The following ESAM variants were observed in gnomAD, a reference collection of about 807,000 sequenced individuals.
ESAM encodes endothelial cell-selective adhesion molecule.
ESAM carries 23 observed loss-of-function variants against 31.8 expected under a neutral mutation model. That is an observed-to-expected ratio of 0.72 (90% CI 0.52 to 1.03). The LOEUF is 1.03. Among genes scored for constraint, ESAM ranks in the 50% least tolerant of loss-of-function variants. The pLI is 0.00. For missense variants in ESAM, 478 were observed against 488.9 expected (o/e 0.98, Z 0.21); for synonymous variants, 216 against 207.2 (o/e 1.04, Z -0.37).
chr11:124,756,066 G>A, intron 4 of ESAM, 141 bp downstream of exon 4: 4 of 1,174,774 alleles, frequency 3.4e-6, no homozygotes, highest in Non-Finnish European at 4.8e-6. Context: ...ATCTTTCTCT[G>A]CCCCACATCC....
In ESAM at chr11:124,754,167, G is replaced by A. The variant is rs748801350; in HGVS notation, c.857+47C>T. The A allele has an allele frequency of 2.8e-5, 45 of 1,597,544 alleles. No individual in the cohort carries two copies. Among genetic ancestry groups the A allele is most frequent in the Admixed American group, 5.1e-5 (3 of 58,402 alleles). Reference sequence around the variant, plus strand: ...CTGCCTGAATTCCCAGCCTCTGTGAGGAGAGCTGGGAGAGCCCCCGCTGCA... The same window carrying A: ...CTGCCTGAATTCCCAGCCTCTGTGAAGAGAGCTGGGAGAGCCCCCGCTGCA... On this transcript the variant is annotated intron_variant, in intron 6 of 6. Transcript: ENST00000278927. This position sits in a 1 kb window ranked among gnomAD's most constrained non-coding sequence, Gnocchi z 4.5.
At chr11:124,756,974 T>C in intron 2 of ESAM, 5 of 545,954 alleles carry the variant, frequency 9.2e-6, no homozygotes, top group South Asian at 8.4e-5. Context: ...CATCTCCCAA[T>C]TGCGGTGTTT....
chr11:124,761,102 T>C (rs1393369571), intron 1 of ESAM, among the ~76,000 whole-genome samples: 1 of 152,186 alleles, frequency 6.6e-6, no homozygotes, highest in East Asian at 1.9e-4. Flanking sequence ...AGAATTTCAC[T>C]CTACAGCTTC....
At chr11:124,760,211 GCT>G (rs1040624519) in intron 1 of ESAM, among the ~76,000 whole-genome samples, 2 of 152,242 alleles carry the variant, frequency 1.3e-5, no homozygotes, top group Non-Finnish European at 2.9e-5. Flanking sequence ...AGGCTTTTCT[GCT>G]CTCCCTCCTG....
Position 124,759,591 on chromosome 11 carries a change from C to A in ESAM, c.71-1064G>T, listed in dbSNP as rs539660601. ...GCGGGAAGAGGCCGCAGCCAGGCCC[C>A]GCTCTCCACCCTCGCCCTAGGAGAG... On this transcript the variant is annotated intron_variant, in intron 1 of 6. Transcript: ENST00000278927. This position sits in a 1 kb window ranked among gnomAD's most constrained non-coding sequence, Gnocchi z 6.8. Among the ~76,000 whole-genome samples, 18 of 152,248 alleles carry A rather than the reference C, an allele frequency of 1.2e-4. No individual in the cohort carries two copies. Among genetic ancestry groups the A allele is most frequent in the Admixed American group, 1.1e-3 (17 of 15,286 alleles).
Position 124,758,295 on chromosome 11 carries a change from T to G in ESAM, c.249+54A>C. 3.7e-6 allele frequency: 6 copies of G among 1,609,818 alleles called. No homozygotes were observed. The South Asian group carries it at 6.6e-5, about 18-fold the overall frequency. On this transcript the variant is annotated intron_variant, in intron 2 of 6. Transcript: ENST00000278927. ...CTCCCACCGCTACCAGCTCTTTGCT[T>G]ACAACCCCCTCTGGGCGCAACTTGC... is the stretch of plus-strand genomic sequence containing the variant.
rs1367308376 is a variant in ESAM, at chr11:124,754,465, G to A, written c.731-125C>T. The stretch of plus-strand genomic sequence containing the variant: ...CTCTTTTTCCCTGTCAAGAAGAGGG[G>A]TGGCTGTTGAGCAGGAAATGACCAG... On this transcript the variant is annotated intron_variant, in intron 5 of 6. Transcript: ENST00000278927. The surrounding 1 kb of genome is among the most constrained non-coding windows in gnomAD (Gnocchi z 4.5). 4 of 1,501,806 alleles carry A rather than the reference G, an allele frequency of 2.7e-6. No individual in the cohort carries two copies. The highest frequency in any genetic ancestry group is 3.6e-6 in the Non-Finnish European group (4 of 1,118,156). 93.0% of individuals were successfully genotyped at this position (1,501,806 alleles called of 1,614,324 possible).
intron 1 of ESAM, among the ~76,000 whole-genome samples, chr11:124,761,457 G>A (rs1228729918): frequency 1.3e-5 from 2 of 151,174 alleles, no homozygotes; most frequent in African/African-American, 2.5e-5. Flanking sequence ...GTGGGCCTTG[G>A]GGGGGTGGGG....
In ESAM at chr11:124,753,495, T is replaced by G; in HGVS notation, c.*151A>C. The G allele has an allele frequency of 1.2e-6, 1 of 814,552 alleles. No individual in the cohort carries two copies. Among genetic ancestry groups the G allele is most frequent in the Non-Finnish European group, 1.9e-6 (1 of 529,630 alleles). 50.5% of individuals were successfully genotyped at this position (814,552 alleles called of 1,614,324 possible). A position where few individuals can be genotyped will look rare whatever the true frequency, so the allele number is the denominator to read the frequency against. On this transcript the variant is annotated 3_prime_UTR_variant, in exon 7 of 7. Coordinates refer to ENST00000278927, the MANE Select transcript of ESAM (RefSeq NM_138961.3). ...TGTCTCCTGGACACTTAGGTCTTAC[T>G]GAGATGGTTTTCCCACAGTAAAGAG...
intron 4 of ESAM, among the ~76,000 whole-genome samples, chr11:124,755,840 T>G (rs1210281089): frequency 6.6e-6 from 1 of 150,906 alleles, no homozygotes; most frequent in Non-Finnish European, 1.5e-5. Context: ...TCCCTAAAAT[T>G]TTTTTTTATA....
Position 124,754,437 on chromosome 11 carries a change from T to C in ESAM, c.731-97A>G. 6.6e-7 allele frequency: 1 copy of C among 1,516,438 alleles called. No homozygotes were observed. Among genetic ancestry groups the C allele is most frequent in the Non-Finnish European group, 8.9e-7 (1 of 1,129,250 alleles). 93.9% of individuals were successfully genotyped at this position (1,516,438 alleles called of 1,614,324 possible). A position where few individuals can be genotyped will look rare whatever the true frequency, so the allele number is the denominator to read the frequency against. ...CCACCCCATCTGCCACCATACACAT[T>C]CCCTCTTTTTCCCTGTCAAGAAGAG... On this transcript the variant is annotated intron_variant, in intron 5 of 6. Transcript: ENST00000278927. This position sits in a 1 kb window ranked among gnomAD's most constrained non-coding sequence, Gnocchi z 4.5.
In ESAM at chr11:124,754,349, G is replaced by T. The variant is rs77048222; in HGVS notation, c.731-9C>A. 3.7e-3 allele frequency: 6,021 copies of T among 1,613,680 alleles called. 182 individuals carry two copies. The African/African-American group carries it at 0.065, about 17-fold the overall frequency. On this transcript the variant is annotated splice_polypyrimidine_tract_variant and intron_variant, in intron 5 of 6. Transcript: ENST00000278927. The surrounding 1 kb of genome is among the most constrained non-coding windows in gnomAD (Gnocchi z 4.5). ...CACTGCAGCTCCAGGCCCTGGAAAA[G>T]GCGTCGTGTCAGAGGAGGACACCCA...
chr11:124,761,872 C>T (rs144447382), intron 1 of ESAM, among the ~76,000 whole-genome samples: 1 of 152,214 alleles, frequency 6.6e-6, no homozygotes, highest in African/African-American at 2.4e-5. Context: ...CTTACCTCCC[C>T]CCGCCATCCG....
intron 1 of ESAM, among the ~76,000 whole-genome samples, chr11:124,760,257 C>T (rs1011312000): frequency 6.6e-6 from 1 of 152,184 alleles, no homozygotes; most frequent in African/African-American, 2.4e-5. Context: ...CCAACTGGTC[C>T]GTTTTTTTCG....
Position 124,754,881 on chromosome 11 carries a change from T to C in ESAM, c.608-118A>G. On this transcript the variant is annotated intron_variant, in intron 4 of 6. Coordinates refer to ENST00000278927, the MANE Select transcript of ESAM (RefSeq NM_138961.3). The surrounding 1 kb of genome is among the most constrained non-coding windows in gnomAD (Gnocchi z 4.5). The stretch of plus-strand genomic sequence containing the variant: ...CCCTCTGGGAGTCACGGCTTGTCTA[T>C]TCCCTGATGGGGGGAGAGGTGTGAC... 6.8e-6 allele frequency: 9 copies of C among 1,329,618 alleles called. No homozygotes were observed. The highest frequency in any genetic ancestry group is 9.1e-6 in the Non-Finnish European group (9 of 985,482). The allele number at this position is 1,329,618 out of a possible 1,614,324, so 82.4% of individuals were successfully genotyped here. A position where few individuals can be genotyped will look rare whatever the true frequency, so the allele number is the denominator to read the frequency against.
Position 124,753,534 on chromosome 11 carries a change from G to T in ESAM, c.*112C>A. On this transcript the variant is annotated 3_prime_UTR_variant, in exon 7 of 7. Coordinates refer to ENST00000278927, the MANE Select transcript of ESAM (RefSeq NM_138961.3). ...CACAGTAAAGAGAGGTGGGGGCAGA[G>T]TACTAAGGGTCAGGAGTGTGACTCT... The T allele has an allele frequency of 1.7e-6, 2 of 1,174,172 alleles. No homozygotes were observed. The highest frequency in any genetic ancestry group is 2.1e-5 in the Admixed American group (1 of 47,488). The allele number at this position is 1,174,172 out of a possible 1,614,324, so 72.7% of individuals were successfully genotyped here.
In ESAM at chr11:124,754,182, C is replaced by T; in HGVS notation, c.857+32G>A. ...GCCTCTGTGAGGAGAGCTGGGAGAGCCCCCGCTGCAGCAGACACCAGGGAC... is the reference window on the plus strand; with the variant it reads ...GCCTCTGTGAGGAGAGCTGGGAGAGTCCCCGCTGCAGCAGACACCAGGGAC... On this transcript the variant is annotated intron_variant, in intron 6 of 6. Coordinates refer to ENST00000278927, the MANE Select transcript of ESAM (RefSeq NM_138961.3). This position sits in a 1 kb window ranked among gnomAD's most constrained non-coding sequence, Gnocchi z 4.5. 1 of 1,605,488 alleles carries T rather than the reference C, an allele frequency of 6.2e-7. No homozygotes were observed. Among genetic ancestry groups the T allele is most frequent in the Non-Finnish European group, 8.5e-7 (1 of 1,175,380 alleles).
chr11:124,754,171 A>G lies in ESAM; in HGVS notation c.857+43T>C, dbSNP rs778508666. The G allele has an allele frequency of 6.2e-7, 1 of 1,601,812 alleles. No homozygotes were observed. Among genetic ancestry groups the G allele is most frequent in the South Asian group, 1.1e-5 (1 of 88,882 alleles). On this transcript the variant is annotated intron_variant, in intron 6 of 6. Transcript: ENST00000278927. The surrounding 1 kb of genome is among the most constrained non-coding windows in gnomAD (Gnocchi z 4.5). ...CTGAATTCCCAGCCTCTGTGAGGAG[A>G]GCTGGGAGAGCCCCCGCTGCAGCAG...
At position 124,754,809 on chromosome 11, in the gene ESAM, TAAA is replaced by T. The variant is rs72422616; in HGVS notation, c.608-49_608-47del. On this transcript the variant is annotated intron_variant, in intron 4 of 6. Transcript: ENST00000278927. This position sits in a 1 kb window ranked among gnomAD's most constrained non-coding sequence, Gnocchi z 4.5. ...TCAGTCCAGGGACCCTCTTTCCCAT[TAAA>T]AAAAAAAAAAAATCTTGTCCCTCCT... 7.3e-5 allele frequency: 103 copies of T among 1,402,802 alleles called. No individual in the cohort carries two copies. Among genetic ancestry groups the T allele is most frequent in the South Asian group, 2.5e-4 (17 of 68,984 alleles). The allele number at this position is 1,402,802 out of a possible 1,614,324, so 86.9% of individuals were successfully genotyped here. A position where few individuals can be genotyped will look rare whatever the true frequency, so the allele number is the denominator to read the frequency against.
Sources: gnomAD v4.1 joint callset for allele counts (sites outside exome capture counted in the v4.1 genomes callset) on GRCh38, gnomAD v4.1.1 for gene constraint, Gnocchi (gnomAD v3.1) non-coding constraint, MANE v1.5 for transcripts, NCBI Gene and HGNC (gene_info 2026-07-23, HGNC 2026-07-21) for gene names.